Variants in DOCK5 observed in about 807,000 individuals in gnomAD.
The protein encoded by DOCK5 is dedicator of cytokinesis 5.
In DOCK5, 142 loss-of-function variants were observed where a neutral mutation model predicts 251.8. The ratio of observed to expected loss-of-function variants is 0.56; its 90% confidence interval spans 0.49 to 0.65. The LOEUF is 0.65. Among genes scored for constraint, DOCK5 ranks in the 30% least tolerant of loss-of-function variants. DOCK5 has a pLI of 0.00. For missense variants in DOCK5, 2,111 were observed against 2,312.3 expected, an observed-to-expected ratio of 0.91 and a Z score of 1.79; for synonymous variants, 842 against 835.5, an observed-to-expected ratio of 1.01 and a Z score of -0.13.
rs776972444 is a variant in DOCK5 at position 25,399,978 on chromosome 8, G to T, written c.4772G>T (p.Arg1591Leu). The T allele has an allele frequency of 6.2e-7, 1 of 1,613,490 alleles. No individual in the cohort carries two copies. The highest frequency in any genetic ancestry group is 1.3e-5 in the African/African-American group (1 of 74,990). Residue 1591 changes from arginine (R) to leucine (L), a missense_variant, in exon 46 of 52, where the codon CGA becomes CTA. Arg to Leu is a moderately radical substitution (Grantham distance 102). Around this residue, in one of 3 missense-constraint regions of DOCK5, gnomAD observed 1,717 missense variants for 1,892.4 expected, o/e 0.91. Coordinates refer to ENST00000276440, the MANE Select transcript of DOCK5 (RefSeq NM_024940.8). ...EDQEKVELLK[R>L]LIALQMPLLT... ...CAGGAGAAGGTTGAGCTGCTAAAGC[G>T]ACTAATAGCATTACAGGTACAGGAC... is the stretch of plus-strand genomic sequence containing the variant.
At chr8:25,263,452 G>A (rs1233566406) in intron 2 of DOCK5, among the ~76,000 whole-genome samples, 1 of 151,752 alleles carries the variant, frequency 6.6e-6, no homozygotes, top group African/African-American at 2.4e-5. Context: ...GGCAGCACAG[G>A]GTTCATTCGA....
rs1018032841 is a variant in DOCK5 at position 25,195,925 on chromosome 8, A to G, written c.43+10974A>G. Reference sequence around the variant, plus strand: ...GAATATATGCTGTATGAATAAATGAATACTGACCCCATCATCTCTTTAAAT... The same window carrying G: ...GAATATATGCTGTATGAATAAATGAGTACTGACCCCATCATCTCTTTAAAT... On this transcript the variant is annotated intron_variant, in intron 1 of 51. Coordinates refer to ENST00000276440, the MANE Select transcript of DOCK5 (RefSeq NM_024940.8). 8.1e-4 allele frequency among the ~76,000 whole-genome samples: 124 copies of G among 152,248 alleles called. 2 individuals are homozygous for G. Among genetic ancestry groups the G allele is most frequent in the Admixed American group, 8.0e-3 (123 of 15,290 alleles).
intron 29 of DOCK5, among the ~76,000 whole-genome samples, chr8:25,364,237 C>T (rs1417740093): frequency 6.6e-6 from 1 of 152,116 alleles, no homozygotes; most frequent in Non-Finnish European, 1.5e-5. Flanking sequence ...TACTCTAACA[C>T]CTGATTAGAA....
At chr8:25,398,495 ACTT>A (rs906682551) in intron 45 of DOCK5, among the ~76,000 whole-genome samples, 49 of 152,250 alleles carry the variant, frequency 3.2e-4, no homozygotes, top group African/African-American at 1.2e-3. Flanking sequence ...AACAACAAAA[ACTT>A]CTTGTTTCAC....
At chr8:25,258,102 A>C (rs1452370859) in intron 2 of DOCK5, among the ~76,000 whole-genome samples, 1 of 152,086 alleles carries the variant, frequency 6.6e-6, no homozygotes, top group Non-Finnish European at 1.5e-5. Context: ...CCTTCCTCTC[A>C]CTGAGCTTCC....
intron 10 of DOCK5, among the ~76,000 whole-genome samples, chr8:25,302,765 G>T (rs1804800981): frequency 6.6e-6 from 1 of 152,194 alleles, no homozygotes; most frequent in South Asian, 2.1e-4. Context: ...GCTACACACT[G>T]CGTGGATGAA....
chr8:25,227,357 G>A, intron 1 of DOCK5, among the ~76,000 whole-genome samples: 1 of 152,058 alleles, frequency 6.6e-6, no homozygotes, highest in East Asian at 1.9e-4. Context: ...ATAAAAGATA[G>A]GGAGTCTAAT....
chr8:25,331,271 A>G (rs997214225), intron 18 of DOCK5, among the ~76,000 whole-genome samples: 1 of 149,234 alleles, frequency 6.7e-6, no homozygotes, highest in Non-Finnish European at 1.5e-5. Flanking sequence ...ACACACACAC[A>G]TATATGTGTA....
chr8:25,390,232 G>C lies in DOCK5; in HGVS notation c.4300G>C (p.Val1434Leu). The C allele has an allele frequency of 1.9e-6, 3 of 1,595,776 alleles. No homozygotes were observed. Among genetic ancestry groups the C allele is most frequent in the Non-Finnish European group, 2.6e-6 (3 of 1,170,744 alleles). Residue 1434 changes from valine (V) to leucine (L), a missense_variant, in exon 42 of 52, where the codon GTG becomes CTG. Around this residue, in one of 3 missense-constraint regions of DOCK5, gnomAD observed 1,717 missense variants for 1,892.4 expected, o/e 0.91. Transcript: ENST00000276440. ...QYMQCFTVKPVMSLPPSYKDK... is the reference protein window; with the variant it reads ...QYMQCFTVKPLMSLPPSYKDK... ...CATGCAGTGCTTCACTGTAAAGCCAGTGATGAGCTTGCCGCCCAGCTACAA... is the reference window on the plus strand; with the variant it reads ...CATGCAGTGCTTCACTGTAAAGCCACTGATGAGCTTGCCGCCCAGCTACAA...
chr8:25,254,272 G>T (rs561003967), intron 2 of DOCK5, among the ~76,000 whole-genome samples: 4 of 151,944 alleles, frequency 2.6e-5, no homozygotes, highest in Non-Finnish European at 5.9e-5. Flanking sequence ...AAAATATAAA[G>T]GTGTAAAACT....
chr8:25,199,583 A>G (rs1801830282), intron 1 of DOCK5, among the ~76,000 whole-genome samples: 2 of 152,140 alleles, frequency 1.3e-5, no homozygotes, highest in Admixed American at 1.3e-4. Flanking sequence ...GGGTTTCACC[A>G]TGTTGGCCAA....
At chr8:25,206,490 A>G (rs985126479) in intron 1 of DOCK5, among the ~76,000 whole-genome samples, 1 of 152,184 alleles carries the variant, frequency 6.6e-6, no homozygotes, top group African/African-American at 2.4e-5. Context: ...ATTCCTGAAA[A>G]TGTAACAGTT....
At chr8:25,292,201 GA>G in intron 6 of DOCK5, 29 bp downstream of exon 6, 2 of 1,533,656 alleles carry the variant, frequency 1.3e-6, no homozygotes, top group Non-Finnish European at 1.8e-6. Context: ...GCTTTTCACT[GA>G]AAACTTGGCG....
chr8:25,301,318 A>G (rs1435439249), intron 9 of DOCK5, among the ~76,000 whole-genome samples: 1 of 152,142 alleles, frequency 6.6e-6, no homozygotes, highest in Non-Finnish European at 1.5e-5. Flanking sequence ...TTTTCCATTA[A>G]CAGAAGCCTT....
At position 25,275,287 on chromosome 8, in the gene DOCK5, G is replaced by A. The variant is rs1804016822; in HGVS notation, c.169-99G>A. On this transcript the variant is annotated intron_variant, in intron 3 of 51. Coordinates refer to ENST00000276440, the MANE Select transcript of DOCK5 (RefSeq NM_024940.8). Reference sequence around the variant, plus strand: ...GATCTCAGGAGTTTAGCTATTGCCTGGGTGTTCCCATTTATTCTCTTTACT... The same window carrying A: ...GATCTCAGGAGTTTAGCTATTGCCTAGGTGTTCCCATTTATTCTCTTTACT... 22 of 943,850 alleles carry A rather than the reference G, an allele frequency of 2.3e-5. No individual in the cohort carries two copies. The South Asian group carries it at 3.3e-4, about 14-fold the overall frequency. 58.5% of individuals were successfully genotyped at this position (943,850 alleles called of 1,614,324 possible). A position where few individuals can be genotyped will look rare whatever the true frequency, so the allele number is the denominator to read the frequency against.
chr8:25,293,343 T>C (rs1804541609), intron 6 of DOCK5, among the ~76,000 whole-genome samples: 1 of 152,196 alleles, frequency 6.6e-6, no homozygotes, highest in Non-Finnish European at 1.5e-5. Context: ...GACAACTATA[T>C]TCTGAAGTAG....
At chr8:25,388,099 AT>A (rs1156618948) in intron 40 of DOCK5, among the ~76,000 whole-genome samples, 1 of 152,126 alleles carries the variant, frequency 6.6e-6, no homozygotes, top group African/African-American at 2.4e-5. Context: ...GGAAAGTGTA[AT>A]TGCCCTCACG....
chr8:25,190,529 C>T (rs896922934), intron 1 of DOCK5, among the ~76,000 whole-genome samples: 2 of 152,068 alleles, frequency 1.3e-5, no homozygotes, highest in Non-Finnish European at 2.9e-5. Flanking sequence ...TTATTGGCTA[C>T]AGTCGTAATT....
chr8:25,216,166 T>C (rs561128744), intron 1 of DOCK5, among the ~76,000 whole-genome samples: 11 of 146,672 alleles, frequency 7.5e-5, no homozygotes, highest in Non-Finnish European at 1.6e-4. Flanking sequence ...TATATATGTA[T>C]ACAATATGTG....
Sources: gnomAD v4.1 joint callset for allele counts (sites outside exome capture counted in the v4.1 genomes callset) on GRCh38, gnomAD v4.1.1 for gene constraint, gnomAD v4.1.1 regional missense constraint, MANE v1.5 for transcripts, NCBI Gene and HGNC (gene_info 2026-07-23, HGNC 2026-07-21) for gene names.